The following EYS variants were observed in gnomAD, a reference collection of about 807,000 sequenced individuals.
EYS encodes EGF-like photoreceptor maintenance factor, also known as protein eyes shut homolog.
A neutral mutation model predicts 282.1 loss-of-function variants in EYS; 250 were observed. That is an observed-to-expected ratio of 0.89 (90% CI 0.80 to 0.98). The LOEUF is 0.98. EYS is among the 50% of genes least tolerant of loss of function. The pLI, the probability that EYS is intolerant of heterozygous loss-of-function variation, is 0.00. For missense variants in EYS, 4,016 were observed against 3,709.0 expected, an observed-to-expected ratio of 1.08 and a Z score of -2.15; for synonymous variants, 1,355 against 1,282.9, an observed-to-expected ratio of 1.06 and a Z score of -1.20.
At chr6:65,648,004 T>C (rs976506428) in intron 1 of EYS, among the ~76,000 whole-genome samples, 1 of 105,524 alleles carries the variant, frequency 9.5e-6, no homozygotes, top group Admixed American at 1.1e-4. Flanking sequence ...GCTGCAAGAA[T>C]GGCCAAAATA....
At chr6:64,311,166 T>C (rs891360422) in intron 29 of EYS, among the ~76,000 whole-genome samples, 39 of 152,220 alleles carry the variant, frequency 2.6e-4, no homozygotes, top group African/African-American at 9.4e-4. Flanking sequence ...AAGCACATGG[T>C]TTTTAGATCA....
chr6:65,069,997 C>T (rs916758332), intron 12 of EYS, among the ~76,000 whole-genome samples: 2 of 151,888 alleles, frequency 1.3e-5, no homozygotes, highest in Admixed American at 1.3e-4. Context: ...ACCTCACTTT[C>T]ACTAATTAAA....
rs115134708 is a variant in EYS at position 65,423,769 on chromosome 6, C to T, written c.863-18402G>A. On this transcript the variant is annotated intron_variant, in intron 5 of 42. Transcript: ENST00000503581. The stretch of plus-strand genomic sequence containing the variant: ...AACCTACTATTATCTTCAGGGAGCC[C>T]GCTTCTATTCTTTCATAATATTTTC... Among the ~76,000 whole-genome samples, 1,170 of 151,916 alleles carry T rather than the reference C, an allele frequency of 7.7e-3. 6 individuals are homozygous for T. The highest frequency in any genetic ancestry group is 0.012 in the Non-Finnish European group (820 of 67,906).
chr6:63,877,155 G>T (rs1217649654), intron 35 of EYS, among the ~76,000 whole-genome samples: 2 of 152,160 alleles, frequency 1.3e-5, no homozygotes, highest in African/African-American at 4.8e-5. Flanking sequence ...CTCTTTTAGG[G>T]CAGGCCTGGT....
At chr6:64,378,008 CCAAACAAA>C (rs372318059) in intron 29 of EYS, 4 of 151,986 alleles carry the variant, frequency 2.6e-5, no homozygotes, top group African/African-American at 9.7e-5. Context: ...CTGACCCTAG[CCAAACAAA>C]CAAACAAACA....
chr6:65,384,436 T>C lies in EYS; in HGVS notation c.1249A>G (p.Ile417Val), dbSNP rs751852214. 31 of 1,610,002 alleles carry C rather than the reference T, an allele frequency of 1.9e-5. No individual in the cohort carries two copies. The highest frequency in any genetic ancestry group is 2.5e-5 in the Non-Finnish European group (30 of 1,177,888). Residue 417 changes from isoleucine (I) to valine (V), a missense_variant, in exon 8 of 43, where the codon ATC (isoleucine) becomes GTC (valine). By Grantham distance (29) the Ile-to-Val change is conservative. Coordinates refer to ENST00000503581, the MANE Select transcript of EYS (RefSeq NM_001142800.2). ...CACCATTCTTCATTCAGACAGTTGA[T>C]GCTGAGCAGTTTACAGTGGTCAATT... The part of the protein sequence containing the change: ...KAIDHCKLLS[I>V]NCLNEEWCFN...
At chr6:64,783,804 C>T (rs1249859440) in intron 22 of EYS, among the ~76,000 whole-genome samples, 1 of 152,084 alleles carries the variant, frequency 6.6e-6, no homozygotes, top group Non-Finnish European at 1.5e-5. Flanking sequence ...ATTTTTTTAA[C>T]ATTCCAAAGT....
intron 16 of EYS, among the ~76,000 whole-genome samples, chr6:64,903,739 T>G (rs1767737885): frequency 6.6e-6 from 1 of 152,138 alleles, no homozygotes; most frequent in Admixed American, 6.6e-5. Context: ...CGGAATTGAC[T>G]GACCTATTTC....
intron 12 of EYS, among the ~76,000 whole-genome samples, chr6:65,189,390 A>G (rs139071580): frequency 1.3e-5 from 2 of 151,822 alleles, no homozygotes; most frequent in South Asian, 2.1e-4. Flanking sequence ...CCTGTACTCT[A>G]TAAAAGAAAT....
At chr6:64,739,129 T>C (rs533507535) in intron 22 of EYS, among the ~76,000 whole-genome samples, 1 of 152,286 alleles carries the variant, frequency 6.6e-6, no homozygotes, top group South Asian at 2.1e-4. Flanking sequence ...CTCTATAGCC[T>C]CAGACAATCA....
intron 26 of EYS, among the ~76,000 whole-genome samples, chr6:64,525,115 G>A (rs1048689703): frequency 2.0e-5 from 3 of 151,758 alleles, no homozygotes; most frequent in African/African-American, 7.3e-5. Context: ...AAGCAGTATG[G>A]CAATTCCTCA....
chr6:64,082,017 G>A lies in EYS; in HGVS notation c.6425-15C>T, dbSNP rs753380394. The A allele has an allele frequency of 1.2e-5, 18 of 1,498,790 alleles. No homozygotes were observed. The South Asian group carries it at 2.0e-4, about 16-fold the overall frequency. 92.8% of individuals were successfully genotyped at this position (1,498,790 alleles called of 1,614,324 possible). Reference sequence around the variant, plus strand: ...TAAACCTGCATCTAAAAAAGAAAATGGTATTAATATGTTCTGATAGCATTA... The same window carrying A: ...TAAACCTGCATCTAAAAAAGAAAATAGTATTAATATGTTCTGATAGCATTA... On this transcript the variant is annotated splice_polypyrimidine_tract_variant and intron_variant, in intron 31 of 42. Transcript: ENST00000503581.
intron 14 of EYS, among the ~76,000 whole-genome samples, chr6:64,948,405 G>C (rs979740954): frequency 6.7e-6 from 1 of 148,682 alleles, no homozygotes; most frequent in Non-Finnish European, 1.5e-5. Flanking sequence ...ATTTGCACTG[G>C]TCAATACAGT....
At chr6:64,242,029 CTGTT>C (rs760262343) in intron 30 of EYS, among the ~76,000 whole-genome samples, 65 of 152,164 alleles carry the variant, frequency 4.3e-4, no homozygotes, top group Middle Eastern at 3.4e-3. Flanking sequence ...GTCTGAGAGA[CTGTT>C]TGTTATGAAT....
In EYS at chr6:65,279,810, T is replaced by C. The variant is rs143837772; in HGVS notation, c.2023+16053A>G. Among the ~76,000 whole-genome samples the C allele has an allele frequency of 3.8e-4, 58 of 152,300 alleles. 1 individual carries two copies. Among genetic ancestry groups the C allele is most frequent in the African/African-American group, 1.2e-3 (51 of 41,574 alleles). On this transcript the variant is annotated intron_variant, in intron 12 of 42. Coordinates refer to ENST00000503581, the MANE Select transcript of EYS (RefSeq NM_001142800.2). ...ATGTGACATCTTGATTGTTTACATC[T>C]TGCTAAAGATTTTGTAAAAAGACAA...
chr6:64,885,802 G>A (rs1353725571), intron 19 of EYS, among the ~76,000 whole-genome samples: 3 of 151,594 alleles, frequency 2.0e-5, no homozygotes, highest in Non-Finnish European at 4.4e-5. Flanking sequence ...CTCACCTTTT[G>A]ATTACTTATT....
intron 12 of EYS, among the ~76,000 whole-genome samples, chr6:65,158,961 A>C (rs1764789320): frequency 6.6e-6 from 1 of 150,904 alleles, no homozygotes; most frequent in Non-Finnish European, 1.5e-5. Context: ...ACAAACTTTT[A>C]GCATTGCACT....
At chr6:65,210,832 A>G (rs1298387250) in intron 12 of EYS, among the ~76,000 whole-genome samples, 1 of 151,982 alleles carries the variant, frequency 6.6e-6, no homozygotes, top group Non-Finnish European at 1.5e-5. Context: ...AAAGTTTTAA[A>G]ATAAATATTT....
intron 36 of EYS, among the ~76,000 whole-genome samples, chr6:63,809,715 T>A (rs1380087216): frequency 1.3e-5 from 2 of 152,144 alleles, no homozygotes; most frequent in Admixed American, 1.3e-4. Context: ...GAGCCTTGAG[T>A]AAAGAGGGAA....
Sources: gnomAD v4.1 joint callset for allele counts (sites outside exome capture counted in the v4.1 genomes callset) on GRCh38, gnomAD v4.1.1 for gene constraint, MANE v1.5 for transcripts, NCBI Gene and HGNC (gene_info 2026-07-23, HGNC 2026-07-21) for gene names.